ATG10: variants seen among roughly 807,000 people sequenced by gnomAD.
The protein encoded by ATG10 is autophagy related 10.
Under a neutral mutation model 32.1 loss-of-function variants are expected in ATG10, and 30 were observed. The ratio of observed to expected loss-of-function variants is 0.94; its 90% confidence interval spans 0.70 to 1.27. The LOEUF is 1.27. ATG10 is among the 50% of genes most tolerant of loss of function. The pLI, the probability that ATG10 is intolerant of heterozygous loss-of-function variation, is 0.00. For synonymous variants in ATG10, 87 were observed against 91.5 expected (o/e 0.95, Z 0.28); for missense variants, 233 against 262.3 (o/e 0.89, Z 0.77).
chr5:82,048,582 A>T (rs1763298541), intron 2 of ATG10, among the ~76,000 whole-genome samples: 1 of 152,336 alleles, frequency 6.6e-6, no homozygotes, highest in Non-Finnish European at 1.5e-5. Flanking sequence ...TCTGCACAGC[A>T]AAAGAAACTA....
At chr5:82,238,119 G>A (rs1284066242) in intron 5 of ATG10, among the ~76,000 whole-genome samples, 1 of 152,160 alleles carries the variant, frequency 6.6e-6, no homozygotes, top group Non-Finnish European at 1.5e-5. Flanking sequence ...TTACTGGTGA[G>A]CTCCTCTGTG....
At chr5:82,028,803 A>C (rs1051858434) in intron 2 of ATG10, among the ~76,000 whole-genome samples, 2 of 152,212 alleles carry the variant, frequency 1.3e-5, no homozygotes, top group African/African-American at 4.8e-5. Flanking sequence ...AATTAGTTTA[A>C]TTAGATGAAT....
intron 3 of ATG10, among the ~76,000 whole-genome samples, chr5:82,134,059 C>G (rs1378355530): frequency 8.1e-6 from 1 of 123,780 alleles, no homozygotes; most frequent in African/African-American, 3.2e-5. Context: ...GTGATTTTTG[C>G]ACATTGATTT....
In ATG10 at chr5:81,987,553, T is replaced by C; in HGVS notation, c.-12-6T>C. ...TTGATGCTAATACTTAGTTTTTGTA[T>C]TGCAGTTATCATTTAACATGGAAGA... On this transcript the variant is annotated splice_region_variant and splice_polypyrimidine_tract_variant and intron_variant, in intron 1 of 7. Coordinates refer to ENST00000282185, the MANE Select transcript of ATG10 (RefSeq NM_031482.5). 6.6e-7 allele frequency: 1 copy of C among 1,519,920 alleles called. No individual in the cohort carries two copies. The allele number at this position is 1,519,920 out of a possible 1,614,324, so 94.2% of individuals were successfully genotyped here.
At chr5:82,074,294 G>A (rs1205360918) in intron 3 of ATG10, among the ~76,000 whole-genome samples, 1 of 152,080 alleles carries the variant, frequency 6.6e-6, no homozygotes, top group Non-Finnish European at 1.5e-5. Context: ...TTAGAAAAAC[G>A]TAAACGCCAT....
chr5:81,982,394 A>G (rs1372478078), intron 1 of ATG10, among the ~76,000 whole-genome samples: 1 of 152,134 alleles, frequency 6.6e-6, no homozygotes, highest in Non-Finnish European at 1.5e-5. Context: ...TGAACTCGGG[A>G]GGTGGAGGTT....
At chr5:81,980,680 G>A (rs1298337751) in intron 1 of ATG10, among the ~76,000 whole-genome samples, 1 of 151,650 alleles carries the variant, frequency 6.6e-6, no homozygotes, top group African/African-American at 2.4e-5. Context: ...GGTGTTAGTG[G>A]TGAGACTGTA....
intron 3 of ATG10, among the ~76,000 whole-genome samples, chr5:82,139,741 C>G (rs1238587486): frequency 7.2e-6 from 1 of 139,294 alleles, no homozygotes. Context: ...CCCGGCCAGC[C>G]GCCCCGTCCG....
intron 3 of ATG10, among the ~76,000 whole-genome samples, chr5:82,133,794 A>C (rs887913429): frequency 6.6e-6 from 1 of 152,068 alleles, no homozygotes; most frequent in African/African-American, 2.4e-5. Context: ...AATAGCATTG[A>C]ATCTATAAAT....
intron 3 of ATG10, among the ~76,000 whole-genome samples, chr5:82,089,158 C>A (rs1352384079): frequency 6.6e-6 from 1 of 152,032 alleles, no homozygotes; most frequent in Non-Finnish European, 1.5e-5. Flanking sequence ...TCGAGACACA[C>A]ATGGAGAAAC....
intron 3 of ATG10, among the ~76,000 whole-genome samples, chr5:82,128,923 T>C (rs1362491029): frequency 3.3e-5 from 5 of 151,784 alleles, no homozygotes; most frequent in Non-Finnish European, 7.4e-5. Context: ...AGGTTGGGGA[T>C]GTTCTTCTGG....
chr5:81,976,715 A>G (rs1344871529), intron 1 of ATG10, among the ~76,000 whole-genome samples: 2 of 152,170 alleles, frequency 1.3e-5, no homozygotes, highest in Non-Finnish European at 2.9e-5. Flanking sequence ...TCTGGAGCTG[A>G]CCAATTCATT....
intron 2 of ATG10, among the ~76,000 whole-genome samples, chr5:81,997,048 C>T (rs72776818): frequency 0.026 from 3,996 of 152,266 alleles, 77 homozygotes; most frequent in Middle Eastern, 0.044. Context: ...ACATGGATGC[C>T]AGTGACCCTA....
chr5:82,018,945 C>T (rs1434021508), intron 2 of ATG10, among the ~76,000 whole-genome samples: 4 of 152,108 alleles, frequency 2.6e-5, no homozygotes, highest in African/African-American at 9.7e-5. Flanking sequence ...TTTAATATCT[C>T]TCTTTCTTTG....
At chr5:82,139,928 G>A (rs1581732933) in intron 3 of ATG10, among the ~76,000 whole-genome samples, 2 of 129,922 alleles carry the variant, frequency 1.5e-5, no homozygotes, top group East Asian at 2.4e-4. Flanking sequence ...CGCCCCATCC[G>A]GGAGGGAGGT....
At chr5:82,213,632 T>A (rs1745572266) in intron 5 of ATG10, among the ~76,000 whole-genome samples, 1 of 152,178 alleles carries the variant, frequency 6.6e-6, no homozygotes, top group Non-Finnish European at 1.5e-5. Flanking sequence ...AAATCTATCT[T>A]AAAGGTAACA....
intron 5 of ATG10, among the ~76,000 whole-genome samples, chr5:82,185,212 A>G (rs1029944863): frequency 1.9e-4 from 29 of 152,338 alleles, no homozygotes; most frequent in African/African-American, 6.5e-4. Context: ...AGAGTTGTAT[A>G]TGAAACTCAA....
At chr5:82,098,745 AT>A (rs1179855733) in intron 3 of ATG10, among the ~76,000 whole-genome samples, 1 of 152,216 alleles carries the variant, frequency 6.6e-6, no homozygotes, top group East Asian at 1.9e-4. Flanking sequence ...ATTGACTAAG[AT>A]TTGGAGAAAC....
intron 2 of ATG10, among the ~76,000 whole-genome samples, chr5:81,995,864 T>G (rs1025145199): frequency 6.6e-6 from 1 of 152,262 alleles, no homozygotes; most frequent in Non-Finnish European, 1.5e-5. Context: ...GTATAAAACT[T>G]GAGAATTGCT....
Sources: allele counts gnomAD v4.1 joint callset (sites outside exome capture counted in the v4.1 genomes callset), GRCh38; gene constraint gnomAD v4.1.1; transcripts MANE v1.5; gene names NCBI Gene and HGNC (gene_info 2026-07-23, HGNC 2026-07-21).